Variants in CCDC146 observed in about 807,000 individuals in gnomAD.
The protein encoded by CCDC146 is coiled-coil domain containing 146.
A neutral mutation model predicts 119.3 loss-of-function variants in CCDC146; 92 were observed. The ratio of observed to expected loss-of-function variants is 0.77; its 90% CI spans 0.65 to 0.92. The LOEUF (loss-of-function observed/expected upper bound fraction) is 0.92. CCDC146 is among the 40% of genes least tolerant of loss of function. CCDC146 has a pLI of 0.00. For synonymous variants in CCDC146, 372 were observed against 371.8 expected (o/e 1.00, Z -0.01); for missense variants, 1,000 against 1,103.0 (o/e 0.91, Z 1.32).
intron 1 of CCDC146, among the ~76,000 whole-genome samples, chr7:77,132,114 G>A (rs564510310): frequency 2.7e-3 from 404 of 152,084 alleles, no homozygotes; most frequent in African/African-American, 9.0e-3. Flanking sequence ...CTGTGAAGCA[G>A]ATGACCTTAC....
intron 1 of CCDC146, among the ~76,000 whole-genome samples, chr7:77,155,960 G>A (rs542678236): frequency 6.6e-6 from 1 of 152,254 alleles, no homozygotes; most frequent in African/African-American, 2.4e-5. Flanking sequence ...ATGCTTTAAA[G>A]AGAGAGTGAG....
intron 1 of CCDC146, among the ~76,000 whole-genome samples, chr7:77,156,709 A>T (rs1341908030): frequency 2.0e-5 from 3 of 152,224 alleles, no homozygotes; most frequent in African/African-American, 7.2e-5. Context: ...CAATCATTTT[A>T]TCTGTGGCTT....
rs776075693 is a variant in CCDC146 at position 77,241,885 on chromosome 7, A to T, written c.434A>T (p.Gln145Leu). Reference protein sequence around the residue: ...NAVKEREFHNQYRLNSLKEEK... With the variant: ...NAVKEREFHNLYRLNSLKEEK... ...GTGAAGGAAAGAGAGTTCCATAATCAGTACAGATTAAATAGGTAAGTGCAC... is the reference window on the plus strand; with the variant it reads ...GTGAAGGAAAGAGAGTTCCATAATCTGTACAGATTAAATAGGTAAGTGCAC... Residue 145 changes from glutamine to leucine, a missense_variant, in exon 4 of 19, where the codon CAG becomes CTG. Physicochemically the swap from Gln to Leu is moderately radical, Grantham distance 113. This residue lies in a region of CCDC146 where 985 missense variants were observed against 1,045.3 expected (regional missense o/e 0.94). Coordinates refer to ENST00000285871, the MANE Select transcript of CCDC146 (RefSeq NM_020879.3). 1 of 1,611,898 alleles carries T rather than the reference A, an allele frequency of 6.2e-7. No individual in the cohort carries two copies. Among genetic ancestry groups the T allele is most frequent in the Non-Finnish European group, 8.5e-7 (1 of 1,178,046 alleles).
In CCDC146 at chr7:77,123,403, G is replaced by GGTGTGT. The variant is rs557580080; in HGVS notation, c.-12+720_-12+725dup. On this transcript the variant is annotated intron_variant, in intron 1 of 18. Transcript: ENST00000285871. ...AAGATGGTTCTAAATGACCCTATAA[G>GGTGTGT]GTGTGTGTGTGTGTGTGTGTGTGTG... is the stretch of plus-strand genomic sequence containing the variant. Among the ~76,000 whole-genome samples, 1,043 of 125,250 alleles carry GGTGTGT rather than the reference G, an allele frequency of 8.3e-3. 11 individuals carry two copies. Among genetic ancestry groups the GGTGTGT allele is most frequent in the Middle Eastern group, 0.016 (4 of 250 alleles). The allele number at this position is 125,250 out of a possible 152,430, so 82.2% of individuals were successfully genotyped here.
At chr7:77,204,836 C>A (rs892315631) in intron 2 of CCDC146, among the ~76,000 whole-genome samples, 2 of 152,158 alleles carry the variant, frequency 1.3e-5, no homozygotes, top group African/African-American at 4.8e-5. Flanking sequence ...TTCATATAGC[C>A]AGCCAGGTGC....
intron 2 of CCDC146, chr7:77,198,147 G>A (rs1297226217): frequency 2.2e-5 from 22 of 985,310 alleles, no homozygotes; most frequent in Non-Finnish European, 2.4e-5. Flanking sequence ...TGGATTCGCA[G>A]TGTGCCAGGT....
chr7:77,140,016 TC>T, intron 1 of CCDC146, among the ~76,000 whole-genome samples: 2 of 152,034 alleles, frequency 1.3e-5, no homozygotes, highest in African/African-American at 4.8e-5. Flanking sequence ...TGCCTCAGCC[TC>T]CCCAGTAGCT....
At chr7:77,202,274 G>C (rs1792006409) in intron 2 of CCDC146, among the ~76,000 whole-genome samples, 1 of 152,218 alleles carries the variant, frequency 6.6e-6, no homozygotes, top group African/African-American at 2.4e-5. Flanking sequence ...GGGCATTAAA[G>C]ACCTGGTATT....
rs1333104548 is a variant in CCDC146, at chr7:77,196,833, C to A, written c.156+29009C>A. The A allele has an allele frequency of 8.1e-6, 13 of 1,613,866 alleles. 1 individual carries two copies. The Middle Eastern group carries it at 4.9e-4, about 61-fold the overall frequency. ...AAGTTGGTGCTCCCATCGAGACGTGCCTGCAGCACTGTCCAGCCTCCCCCC... is the reference window on the plus strand; with the variant it reads ...AAGTTGGTGCTCCCATCGAGACGTGACTGCAGCACTGTCCAGCCTCCCCCC... On this transcript the variant is annotated intron_variant, in intron 2 of 18. Coordinates refer to ENST00000285871, the MANE Select transcript of CCDC146 (RefSeq NM_020879.3). This position sits in a 1 kb window ranked among gnomAD's most constrained non-coding sequence, Gnocchi z 4.2.
intron 17 of CCDC146, 32 bp downstream of exon 17, chr7:77,287,609 C>G (rs766593292): frequency 1.2e-6 from 2 of 1,600,980 alleles, no homozygotes; most frequent in South Asian, 1.1e-5. Context: ...TTCCCTTCTG[C>G]CCCTGCTCCT....
intron 2 of CCDC146, among the ~76,000 whole-genome samples, chr7:77,217,133 G>A (rs1323308238): frequency 1.3e-5 from 2 of 152,070 alleles, no homozygotes; most frequent in Middle Eastern, 6.3e-3. Context: ...TGGAAACAGA[G>A]TAAGAAAATC....
chr7:77,271,496 C>G (rs4989882), intron 9 of CCDC146, among the ~76,000 whole-genome samples: 2 of 126,562 alleles, frequency 1.6e-5, no homozygotes, highest in Admixed American at 8.2e-5. Flanking sequence ...TATATATATA[C>G]ACACACACTA....
intron 1 of CCDC146, among the ~76,000 whole-genome samples, chr7:77,166,703 A>G (rs1002367961): frequency 6.6e-6 from 1 of 152,172 alleles, no homozygotes; most frequent in African/African-American, 2.4e-5. Context: ...TTTTATAAGT[A>G]ATAAATTTTT....
intron 9 of CCDC146, among the ~76,000 whole-genome samples, chr7:77,271,566 A>ATC (rs1562856643): frequency 4.1e-4 from 30 of 73,758 alleles, no homozygotes; most frequent in African/African-American, 1.1e-3. Flanking sequence ...ATATATATAT[A>ATC]TATGGAGATA....
At chr7:77,153,123 A>G (rs1791130040) in intron 1 of CCDC146, among the ~76,000 whole-genome samples, 1 of 152,184 alleles carries the variant, frequency 6.6e-6, no homozygotes, top group Non-Finnish European at 1.5e-5. Context: ...TCAGTCTTAG[A>G]TAAAAGAAGG....
At chr7:77,130,470 AG>A (rs1790765603) in intron 1 of CCDC146, among the ~76,000 whole-genome samples, 1 of 152,138 alleles carries the variant, frequency 6.6e-6, no homozygotes. Context: ...CTGTCCCTGA[AG>A]GCATGACAGA....
At chr7:77,243,453 G>A (rs1004358216) in intron 4 of CCDC146, among the ~76,000 whole-genome samples, 5 of 152,140 alleles carry the variant, frequency 3.3e-5, no homozygotes, top group African/African-American at 1.2e-4. Context: ...TAAAAGTAAT[G>A]GTGATGCCAA....
chr7:77,236,376 G>A (rs1436992073), intron 2 of CCDC146, among the ~76,000 whole-genome samples: 2 of 152,198 alleles, frequency 1.3e-5, no homozygotes, highest in Admixed American at 1.3e-4. Flanking sequence ...AGAGGCAAAG[G>A]CATCACGGTA....
chr7:77,237,089 G>A (rs752263423), intron 3 of CCDC146, 60 bp downstream of exon 3: 2 of 1,348,932 alleles, frequency 1.5e-6, no homozygotes, highest in Non-Finnish European at 2.1e-6. Context: ...TACTGGTGAT[G>A]AGACCTGTCT....
Sources: allele counts gnomAD v4.1 joint callset (sites outside exome capture counted in the v4.1 genomes callset), GRCh38; gene constraint gnomAD v4.1.1; regional missense constraint gnomAD v4.1.1; non-coding constraint Gnocchi (gnomAD v3.1); transcripts MANE v1.5; gene names NCBI Gene and HGNC (gene_info 2026-07-23, HGNC 2026-07-21).